Variants in WWC2 observed in about 807,000 individuals in gnomAD.
WWC2 encodes protein WWC2.
WWC2 carries 101 observed loss-of-function variants against 138.5 expected under a neutral mutation model. The observed-to-expected ratio is 0.73, with a 90% confidence interval of 0.62 to 0.86. The LOEUF is 0.86. WWC2 is among the 40% of genes least tolerant of loss of function. WWC2 has a pLI of 0.00. For missense variants in WWC2, 1,420 were observed against 1,419.4 expected, an observed-to-expected ratio of 1.00 and a Z score of -0.01; for synonymous variants, 558 against 538.4, an observed-to-expected ratio of 1.04 and a Z score of -0.50.
At chr4:183,158,640 G>A (rs982173878) in intron 1 of WWC2, among the ~76,000 whole-genome samples, 3 of 151,896 alleles carry the variant, frequency 2.0e-5, no homozygotes, top group South Asian at 2.1e-4. Context: ...ACTTGAGCAC[G>A]AATTTTGGGG....
intron 21 of WWC2, among the ~76,000 whole-genome samples, chr4:183,296,079 G>A (rs1267906558): frequency 7.9e-5 from 12 of 152,182 alleles, no homozygotes. Flanking sequence ...TAACATACCT[G>A]ACGGGTGCCG....
chr4:183,253,978 C>G lies in WWC2; in HGVS notation c.1175C>G (p.Pro392Arg), dbSNP rs763054978. Residue 392 changes from proline to arginine, a missense_variant, in exon 9 of 23, where the codon CCA (proline) becomes CGA (arginine). Pro to Arg is a moderately radical substitution (Grantham distance 103, BLOSUM62 -2). Transcript: ENST00000403733. The stretch of plus-strand genomic sequence containing the variant: ...GAGTTGCTGTCTGTGAGGGGAACAC[C>G]AAGCAGAGCTCTGGCCGAGAGGTTT... ...EEELLSVRGT[P>R]SRALAERLRL... is the part of the protein sequence containing the mutation. 2 of 1,613,548 alleles carry G rather than the reference C, an allele frequency of 1.2e-6. No individual in the cohort carries two copies. The highest frequency in any genetic ancestry group is 1.1e-5 in the South Asian group (1 of 91,004).
intron 21 of WWC2, among the ~76,000 whole-genome samples, chr4:183,306,675 C>A (rs569394359): frequency 6.6e-6 from 1 of 150,740 alleles, no homozygotes; most frequent in African/African-American, 2.4e-5. Flanking sequence ...TATAGGCGCA[C>A]GCCACCACAC....
At chr4:183,115,231 C>A (rs1486697293) in intron 1 of WWC2, among the ~76,000 whole-genome samples, 1 of 152,142 alleles carries the variant, frequency 6.6e-6, no homozygotes, top group African/African-American at 2.4e-5. Context: ...GCATAGTGTT[C>A]CATGGTGTAT....
intron 21 of WWC2, among the ~76,000 whole-genome samples, chr4:183,297,315 G>A (rs941043317): frequency 2.0e-5 from 3 of 151,872 alleles, no homozygotes; most frequent in Admixed American, 2.0e-4. Context: ...CCAGCACTTA[G>A]TTGGTTTTAA....
intron 1 of WWC2, among the ~76,000 whole-genome samples, chr4:183,173,223 C>T (rs1437820802): frequency 6.6e-6 from 1 of 151,864 alleles, no homozygotes; most frequent in Non-Finnish European, 1.5e-5. Flanking sequence ...TTTTTAATTT[C>T]TTTGTTTTTG....
chr4:183,253,110 G>A (rs767895186), intron 8 of WWC2, among the ~76,000 whole-genome samples: 10 of 152,054 alleles, frequency 6.6e-5, no homozygotes, highest in Non-Finnish European at 1.0e-4. Context: ...CGAACTCATG[G>A]CCTCACATGA....
chr4:183,220,630 T>A (rs13125012), intron 4 of WWC2, among the ~76,000 whole-genome samples: 1 of 151,210 alleles, frequency 6.6e-6, no homozygotes, highest in South Asian at 2.1e-4. Context: ...GTCAGGAGAT[T>A]GAGACCATCC....
chr4:183,103,096 G>T (rs1362997794), intron 1 of WWC2, among the ~76,000 whole-genome samples: 1 of 152,018 alleles, frequency 6.6e-6, no homozygotes, highest in Non-Finnish European at 1.5e-5. Flanking sequence ...TTCACACCAT[G>T]CAAAGTGACT....
chr4:183,144,452 C>G (rs1440391732), intron 1 of WWC2, among the ~76,000 whole-genome samples: 1 of 151,556 alleles, frequency 6.6e-6, no homozygotes, highest in African/African-American at 2.4e-5. Context: ...ATTTCAATTG[C>G]AGGTTGAAAA....
intron 6 of WWC2, among the ~76,000 whole-genome samples, chr4:183,246,126 G>A (rs1197031809): frequency 2.0e-5 from 3 of 152,204 alleles, no homozygotes; most frequent in African/African-American, 7.2e-5. Flanking sequence ...TTCTCAGCCT[G>A]TGGGTCTTAA....
At chr4:183,298,860 G>A (rs1280945444) in intron 21 of WWC2, among the ~76,000 whole-genome samples, 1 of 152,120 alleles carries the variant, frequency 6.6e-6, no homozygotes, top group Non-Finnish European at 1.5e-5. Context: ...AACCTTTAGG[G>A]TACATGCAGT....
chr4:183,107,526 C>G (rs1369796258), intron 1 of WWC2, among the ~76,000 whole-genome samples: 2 of 152,050 alleles, frequency 1.3e-5, no homozygotes, highest in African/African-American at 4.8e-5. Context: ...TTGTATTTCC[C>G]TCTTCGTAGT....
At chr4:183,278,126 C>T (rs1479039774) in intron 16 of WWC2, among the ~76,000 whole-genome samples, 1 of 152,072 alleles carries the variant, frequency 6.6e-6, no homozygotes, top group Non-Finnish European at 1.5e-5. Flanking sequence ...ACATTTAAGT[C>T]TTTAATCCAT....
At chr4:183,172,856 A>G (rs1485373230) in intron 1 of WWC2, among the ~76,000 whole-genome samples, 2 of 151,930 alleles carry the variant, frequency 1.3e-5, no homozygotes, top group African/African-American at 4.8e-5. Context: ...TAGACCTCCT[A>G]GATTGGTTGT....
intron 1 of WWC2, among the ~76,000 whole-genome samples, chr4:183,154,929 T>G (rs1245174249): frequency 6.6e-6 from 1 of 152,216 alleles, no homozygotes; most frequent in African/African-American, 2.4e-5. Flanking sequence ...TTTGCTTTCA[T>G]GCTTCTTTAA....
intron 16 of WWC2, among the ~76,000 whole-genome samples, chr4:183,272,248 G>A (rs1737715729): frequency 6.6e-6 from 1 of 152,146 alleles, no homozygotes; most frequent in Non-Finnish European, 1.5e-5. Flanking sequence ...CACTGTAGTG[G>A]GTGGTGAAAG....
In WWC2 at chr4:183,240,474, A is replaced by G; in HGVS notation, c.602+212A>G. On this transcript the variant is annotated intron_variant, in intron 5 of 22. Transcript: ENST00000403733. ...GCACTTGAAAAGATCCAAAGTTTTT[A>G]TTAATCATTGGAGATCCAAAGAAAC... 6.9e-6 allele frequency: 3 copies of G among 434,058 alleles called. No homozygotes were observed. In the East Asian group the frequency reaches 1.1e-4, roughly 16 times the overall value. 26.9% of individuals were successfully genotyped at this position (434,058 alleles called of 1,614,324 possible).
At chr4:183,258,818 C>T (rs1230529775) in intron 9 of WWC2, among the ~76,000 whole-genome samples, 1 of 151,964 alleles carries the variant, frequency 6.6e-6, no homozygotes, top group Non-Finnish European at 1.5e-5. Context: ...CTGCTTACTG[C>T]TCTGAACTAC....
Sources: allele counts gnomAD v4.1 joint callset (sites outside exome capture counted in the v4.1 genomes callset), GRCh38; gene constraint gnomAD v4.1.1; transcripts MANE v1.5; gene names NCBI Gene and HGNC (gene_info 2026-07-23, HGNC 2026-07-21).